The following CCDC30 variants were observed in gnomAD, a reference collection of about 807,000 sequenced individuals.
The protein encoded by CCDC30 is coiled-coil domain containing 30.
Under a neutral mutation model 100.2 loss-of-function variants are expected in CCDC30, and 70 were observed. That is an observed-to-expected ratio of 0.70 (90% CI 0.58 to 0.85). The LOEUF (loss-of-function observed/expected upper bound fraction) is 0.85, where lower values mean the gene tolerates loss of function less well. Ranked by LOEUF, CCDC30 falls within the 40% of genes least tolerant of loss-of-function variation. The pLI is 0.00. For missense variants in CCDC30, 652 were observed against 771.2 expected, an observed-to-expected ratio of 0.85 and a Z score of 1.83; for synonymous variants, 233 against 269.5, an observed-to-expected ratio of 0.86 and a Z score of 1.33.
intron 7 of CCDC30, chr1:42,571,302 T>G (rs1180467726): frequency 2.6e-5 from 4 of 152,246 alleles, no homozygotes; most frequent in Non-Finnish European, 2.9e-5. Flanking sequence ...TTTTCTTTGA[T>G]TTGTTTCTTA....
chr1:42,653,953 G>A (rs1217647782), exon 17 of CCDC30: 1 of 1,614,124 alleles, frequency 6.2e-7, no homozygotes, highest in African/African-American at 1.3e-5. Context: ...AGAATTCTGA[G>A]GCTGGATACA....
At chr1:42,584,886 G>C (rs1259007018) in intron 9 of CCDC30, among the ~76,000 whole-genome samples, 1 of 152,090 alleles carries the variant, frequency 6.6e-6, no homozygotes, top group Non-Finnish European at 1.5e-5. Flanking sequence ...TTGGTATTAG[G>C]GTAATGTTTG....
intron 7 of CCDC30, among the ~76,000 whole-genome samples, chr1:42,570,331 A>C (rs990815501): frequency 6.6e-6 from 1 of 151,972 alleles, no homozygotes; most frequent in African/African-American, 2.4e-5. Flanking sequence ...GTCTCAAAAA[A>C]AAAATTAAAT....
At chr1:42,510,962 C>T (rs1354421408) in intron 6 of CCDC30, among the ~76,000 whole-genome samples, 1 of 151,994 alleles carries the variant, frequency 6.6e-6, no homozygotes, top group Non-Finnish European at 1.5e-5. Flanking sequence ...TTCAAAGTCT[C>T]AGGGTCAAAG....
At chr1:42,498,179 G>T (rs530720053) in intron 5 of CCDC30, among the ~76,000 whole-genome samples, 9 of 152,298 alleles carry the variant, frequency 5.9e-5, no homozygotes, top group Non-Finnish European at 1.0e-4. Context: ...AGTCACAAAA[G>T]GACAAATAAT....
At chr1:42,632,536 G>A (rs141921222) in intron 11 of CCDC30, among the ~76,000 whole-genome samples, 3 of 152,104 alleles carry the variant, frequency 2.0e-5, no homozygotes, top group African/African-American at 7.2e-5. Flanking sequence ...GGCTGAGGTG[G>A]GCGGATCACC....
At chr1:42,541,526 AGT>A (rs1645011945) in intron 6 of CCDC30, among the ~76,000 whole-genome samples, 1 of 152,224 alleles carries the variant, frequency 6.6e-6, no homozygotes, top group African/African-American at 2.4e-5. Flanking sequence ...TATCCTTCTC[AGT>A]GTATTTTATC....
At chr1:42,526,257 A>AC (rs1294341709) in intron 6 of CCDC30, among the ~76,000 whole-genome samples, 1 of 152,144 alleles carries the variant, frequency 6.6e-6, no homozygotes, top group African/African-American at 2.4e-5. Context: ...AGTGTCTGAG[A>AC]AGAGTTGTTT....
intron 6 of CCDC30, among the ~76,000 whole-genome samples, chr1:42,544,969 G>A (rs1028711391): frequency 6.6e-6 from 1 of 151,428 alleles, no homozygotes; most frequent in Non-Finnish European, 1.5e-5. Flanking sequence ...AATGTTTTCT[G>A]GCAGCAATAT....
intron 6 of CCDC30, among the ~76,000 whole-genome samples, chr1:42,499,957 T>A (rs1315877689): frequency 2.0e-5 from 3 of 152,166 alleles, no homozygotes; most frequent in Non-Finnish European, 4.4e-5. Context: ...CCACCCCACT[T>A]CTTCTACCCC....
intron 10 of CCDC30, among the ~76,000 whole-genome samples, chr1:42,606,764 A>G (rs1403470881): frequency 6.6e-6 from 1 of 152,346 alleles, no homozygotes; most frequent in East Asian, 1.9e-4. Context: ...GCCAAGAAAC[A>G]AAGAAAAATT....
intron 3 of CCDC30, among the ~76,000 whole-genome samples, chr1:42,485,058 T>C (rs1041308263): frequency 3.3e-5 from 5 of 152,142 alleles, no homozygotes; most frequent in Non-Finnish European, 1.5e-5. Context: ...TAATTTTTTG[T>C]TTAAAAAGAG....
chr1:42,642,797 G>A (rs1647569329), intron 13 of CCDC30, among the ~76,000 whole-genome samples, 188 bp downstream of exon 17: 1 of 152,216 alleles, frequency 6.6e-6, no homozygotes, highest in Non-Finnish European at 1.5e-5. Flanking sequence ...AAATATCATG[G>A]AGGAGGCTGG....
At position 42,581,693 on chromosome 1, in the gene CCDC30, T is replaced by C. The variant is rs1235374600; in HGVS notation, c.1001+179T>C. On this transcript the variant is annotated intron_variant, in intron 9 of 16. Coordinates refer to ENST00000668663, the Ensembl canonical transcript of CCDC30. Reference sequence around the variant, plus strand: ...TACCACACTGTATTCTAATTGTTTATTTTCTAGTTTACCTCTGGCGCTAGA... The same window carrying C: ...TACCACACTGTATTCTAATTGTTTACTTTCTAGTTTACCTCTGGCGCTAGA... 3.3e-5 allele frequency among the ~76,000 whole-genome samples: 5 copies of C among 152,338 alleles called. No individual in the cohort carries two copies. In the East Asian group the frequency reaches 7.7e-4, roughly 23 times the overall value.
chr1:42,610,792 G>T (rs1015989188), intron 10 of CCDC30, among the ~76,000 whole-genome samples, 186 bp from the exon 15 acceptor site: 1 of 152,046 alleles, frequency 6.6e-6, no homozygotes, highest in Admixed American at 6.6e-5. Flanking sequence ...GAAGCAAAAG[G>T]CAAGGGGAAA....
intron 6 of CCDC30, among the ~76,000 whole-genome samples, chr1:42,541,541 G>A (rs12561879): frequency 1.3e-5 from 2 of 152,184 alleles, no homozygotes; most frequent in Admixed American, 1.3e-4. Context: ...ATTTTATCAG[G>A]AGACATGACA....
At chr1:42,470,817 G>A (rs890594439) in intron 1 of CCDC30, among the ~76,000 whole-genome samples, 7 of 152,172 alleles carry the variant, frequency 4.6e-5, no homozygotes, top group African/African-American at 1.7e-4. Flanking sequence ...GGAATGAGAA[G>A]TTATTGTTTA....
At chr1:42,612,171 A>G (rs1392265539) in intron 11 of CCDC30, among the ~76,000 whole-genome samples, 3 of 152,202 alleles carry the variant, frequency 2.0e-5, no homozygotes, top group Non-Finnish European at 4.4e-5. Flanking sequence ...TAGTCTTCAA[A>G]TTTGCTATTT....
chr1:42,602,544 C>A lies in CCDC30; in HGVS notation c.1165-8434C>A, dbSNP rs145111385. On this transcript the variant is annotated intron_variant, in intron 10 of 16. Coordinates refer to ENST00000668663, the Ensembl canonical transcript of CCDC30. Reference sequence around the variant, plus strand: ...AACTTTATGCCCACAAATGTGATAACCTAAATAAAATGGACCAATTCCTTG... The same window carrying A: ...AACTTTATGCCCACAAATGTGATAAACTAAATAAAATGGACCAATTCCTTG... Among the ~76,000 whole-genome samples, 467 of 152,202 alleles carry A rather than the reference C, an allele frequency of 3.1e-3. 7 individuals carry two copies. Among genetic ancestry groups the A allele is most frequent in the African/African-American group, 0.011 (443 of 41,546 alleles).
Sources: allele counts gnomAD v4.1 joint callset (sites outside exome capture counted in the v4.1 genomes callset), GRCh38; gene constraint gnomAD v4.1.1; transcripts MANE v1.5; gene names NCBI Gene and HGNC (gene_info 2026-07-23, HGNC 2026-07-21).